Variants in UNC80 observed in about 807,000 individuals in gnomAD.
UNC80 encodes the protein protein unc-80 homolog.
A neutral mutation model predicts 384.6 loss-of-function variants in UNC80; 164 were observed. The observed-to-expected ratio is 0.43, with a 90% CI of 0.38 to 0.49. The LOEUF (loss-of-function observed/expected upper bound fraction) is 0.49, where lower values mean the gene tolerates loss of function less well. Ranked by LOEUF, UNC80 falls within the 20% of genes least tolerant of loss-of-function variation. UNC80 has a pLI of 0.00. For synonymous variants in UNC80, 1,486 were observed against 1,527.8 expected (o/e 0.97, Z 0.64); for missense variants, 3,330 against 4,143.0 (o/e 0.80, Z 5.39).
chr2:209,932,812 G>C (rs1044774201), intron 38 of UNC80, among the ~76,000 whole-genome samples: 4 of 152,146 alleles, frequency 2.6e-5, no homozygotes, highest in African/African-American at 9.7e-5. Context: ...GTTATTAGTA[G>C]TTTTAAGAAA....
intron 13 of UNC80, among the ~76,000 whole-genome samples, chr2:209,823,609 C>T (rs1386633180): frequency 6.6e-6 from 1 of 152,002 alleles, no homozygotes; most frequent in Non-Finnish European, 1.5e-5. Flanking sequence ...CATAAAGGTG[C>T]TCCAGAGGAA....
In UNC80 at chr2:209,994,169, G is replaced by T. The variant is rs2093443208; in HGVS notation, c.9613G>T (p.Ala3205Ser). Residue 3205 changes from alanine (A) to serine (S), a missense_variant, in exon 64 of 65, where the codon GCC becomes TCC. By Grantham distance (99) the Ala-to-Ser change is moderately conservative. This residue lies in a region of UNC80 where 236 missense variants were observed against 254.9 expected (regional missense o/e 0.93). Transcript: ENST00000673920. ...AGGCCAACTACAGGGCTGTAGCCCA[G>T]CCCCTTCTAGGAAACCAGAAGCAAT... is the stretch of plus-strand genomic sequence containing the variant. ...ATGQLQGCSPAPSRKPEAMDE... is the reference protein window; with the variant it reads ...ATGQLQGCSPSPSRKPEAMDE... 3 of 1,551,482 alleles carry T rather than the reference G, an allele frequency of 1.9e-6. No individual in the cohort carries two copies. In the South Asian group the frequency reaches 3.6e-5, roughly 18 times the overall value.
At chr2:209,782,129 A>G (rs1574419779) in intron 4 of UNC80, among the ~76,000 whole-genome samples, 1 of 152,274 alleles carries the variant, frequency 6.6e-6, no homozygotes, top group Middle Eastern at 3.4e-3. Context: ...GGCTTGTCTC[A>G]TAAAATCTAA....
intron 21 of UNC80, 119 bp downstream of exon 21, chr2:209,842,565 C>G (rs2081844584): frequency 2.6e-6 from 2 of 754,980 alleles, no homozygotes. Flanking sequence ...CTTTCTCATA[C>G]ATGCCTTTTA....
At chr2:209,822,081 T>G (rs1289941823) in intron 13 of UNC80, among the ~76,000 whole-genome samples, 2 of 152,230 alleles carry the variant, frequency 1.3e-5, no homozygotes, top group African/African-American at 2.4e-5. Flanking sequence ...TCTGGTTTCT[T>G]CATTTTATTG....
chr2:209,800,939 C>A (rs2078508566), intron 7 of UNC80, among the ~76,000 whole-genome samples: 1 of 152,124 alleles, frequency 6.6e-6, no homozygotes, highest in Admixed American at 6.6e-5. Context: ...GATTTCAGTT[C>A]TATTGCATTT....
chr2:209,773,104 A>G lies in UNC80; in HGVS notation c.103A>G (p.Arg35Gly). The G allele has an allele frequency of 6.2e-7, 1 of 1,612,794 alleles. No individual in the cohort carries two copies. The highest frequency in any genetic ancestry group is 8.5e-7 in the Non-Finnish European group (1 of 1,179,114). Residue 35 changes from arginine (R) to glycine (G), a missense_variant, in exon 2 of 65, where the codon AGG (arginine) becomes GGG (glycine). By Grantham distance (125) the Arg-to-Gly change is moderately radical (BLOSUM62 -2). Coordinates refer to ENST00000673920, the MANE Select transcript of UNC80 (RefSeq NM_001371986.1). ...CTATTAATTTTTCAGTGCATTTTTG[A>G]GGCCCAAACTGGGGAAGCAATATGA... is the stretch of plus-strand genomic sequence containing the variant. Reference protein sequence around the residue: ...FLWRQTSAFLRPKLGKQYEAS... With the variant: ...FLWRQTSAFLGPKLGKQYEAS...
intron 18 of UNC80, among the ~76,000 whole-genome samples, chr2:209,835,404 C>T (rs2081272120): frequency 6.6e-6 from 1 of 152,124 alleles, no homozygotes; most frequent in Admixed American, 6.5e-5. Flanking sequence ...TGAAGCTTTT[C>T]CCAAAATAAG....
At chr2:209,983,237 C>T (rs2125024061) in intron 60 of UNC80, among the ~76,000 whole-genome samples, 1 of 152,202 alleles carries the variant, frequency 6.6e-6, no homozygotes. Context: ...GTACCCAAAT[C>T]CTTTCGCAAA....
intron 44 of UNC80, 46 bp from the exon 45 acceptor site, chr2:209,943,334 G>A: frequency 6.5e-7 from 1 of 1,547,986 alleles, no homozygotes; most frequent in Non-Finnish European, 8.7e-7. Flanking sequence ...GTACAACTTT[G>A]ATACTTCATT....
chr2:209,955,834 C>G (rs2092394180), intron 48 of UNC80, among the ~76,000 whole-genome samples: 2 of 150,326 alleles, frequency 1.3e-5, no homozygotes, highest in Non-Finnish European at 3.0e-5. Context: ...ACCTCCGCCT[C>G]CCGGGTTTAA....
At chr2:209,977,641 T>G (rs924392521) in intron 58 of UNC80, among the ~76,000 whole-genome samples, 2 of 152,246 alleles carry the variant, frequency 1.3e-5, no homozygotes, top group Non-Finnish European at 2.9e-5. Flanking sequence ...TCTCTGTGAT[T>G]GATTTATAAA....
rs141018101 is a variant in UNC80 at position 209,981,084 on chromosome 2, A to G, written c.9119-1095A>G. Among the ~76,000 whole-genome samples, 14 of 152,362 alleles carry G rather than the reference A, an allele frequency of 9.2e-5. No homozygotes were observed. The East Asian group carries it at 1.9e-3, about 21-fold the overall frequency. ...CACCTTTTGATTTGAAATAAGTTCA[A>G]TTAGAAATATGATTACTTTGATATT... On this transcript the variant is annotated intron_variant, in intron 59 of 64. Coordinates refer to ENST00000673920, the MANE Select transcript of UNC80 (RefSeq NM_001371986.1).
At chr2:209,826,956 T>G (rs987652144) in intron 14 of UNC80, among the ~76,000 whole-genome samples, 1 of 152,160 alleles carries the variant, frequency 6.6e-6, no homozygotes, top group Non-Finnish European at 1.5e-5. Flanking sequence ...AGTATTAGCA[T>G]GCTGGGTTTC....
intron 7 of UNC80, chr2:209,808,744 A>G (rs1574531781): frequency 6.9e-5 from 3 of 43,368 alleles, no homozygotes; most frequent in Non-Finnish European, 1.1e-4. Context: ...GGCTCGGCCT[A>G]GTGAGTGGGT....
At chr2:209,941,040 G>C (rs1328819113) in intron 43 of UNC80, among the ~76,000 whole-genome samples, 181 bp from the exon 44 acceptor site, 1 of 152,196 alleles carries the variant, frequency 6.6e-6, no homozygotes, top group African/African-American at 2.4e-5. Flanking sequence ...AAAGTTCATG[G>C]AGAAAAGGAA....
chr2:209,959,458 G>C lies in UNC80; in HGVS notation c.7587-31G>C, dbSNP rs1441775259. On this transcript the variant is annotated intron_variant, in intron 50 of 64. Coordinates refer to ENST00000673920, the MANE Select transcript of UNC80 (RefSeq NM_001371986.1). ...CAGCTGCTACATGAATACATTTTCA[G>C]ACCCCTAGTTAATCTTTCACAATTT... is the stretch of plus-strand genomic sequence containing the variant. The C allele has an allele frequency of 4.5e-6, 7 of 1,542,128 alleles. 1 individual carries two copies. In the South Asian group the frequency reaches 7.2e-5, roughly 16 times the overall value.
At chr2:209,808,823 T>C in intron 7 of UNC80, 1 of 41,384 alleles carries the variant, frequency 2.4e-5, no homozygotes. Context: ...TCTTTCCTCG[T>C]CAGGAAGCTC....
chr2:209,872,605 G>T lies in UNC80; in HGVS notation c.3628-153G>T, dbSNP rs556086594. Among the ~76,000 whole-genome samples the T allele has an allele frequency of 5.3e-5, 8 of 152,188 alleles. No individual in the cohort carries two copies. Among genetic ancestry groups the T allele is most frequent in the African/African-American group, 1.7e-4 (7 of 41,500 alleles). On this transcript the variant is annotated intron_variant, in intron 22 of 64. Coordinates refer to ENST00000673920, the MANE Select transcript of UNC80 (RefSeq NM_001371986.1). The surrounding 1 kb of genome is among the most constrained non-coding windows in gnomAD (Gnocchi z 4.1). ...TTCCAGATTTCTCACTACTGTGTTGGCCATACTGACACCACCCTGGGAAAT... is the reference window on the plus strand; with the variant it reads ...TTCCAGATTTCTCACTACTGTGTTGTCCATACTGACACCACCCTGGGAAAT...
Sources: allele counts gnomAD v4.1 joint callset (sites outside exome capture counted in the v4.1 genomes callset), GRCh38; gene constraint gnomAD v4.1.1; regional missense constraint gnomAD v4.1.1; non-coding constraint Gnocchi (gnomAD v3.1); transcripts MANE v1.5; gene names NCBI Gene and HGNC (gene_info 2026-07-23, HGNC 2026-07-21).